The following MS4A14 variants were observed in gnomAD, a reference collection of about 807,000 sequenced individuals.
MS4A14 encodes membrane-spanning 4-domains subfamily A member 14.
Under a neutral mutation model 16.7 loss-of-function variants are expected in MS4A14, and 18 were observed. The observed-to-expected ratio is 1.08, with a 90% CI of 0.75 to 1.60. The LOEUF (loss-of-function observed/expected upper bound fraction) is 1.60, where lower values mean the gene tolerates loss of function less well. MS4A14 is among the 40% of genes most tolerant of loss of function. The probability of loss-of-function intolerance (pLI) is 0.00; values close to 1 mark genes in which losing one functional copy is unlikely to be tolerated. For missense variants in MS4A14, 812 were observed against 775.3 expected, an observed-to-expected ratio of 1.05 and a Z score of -0.56; for synonymous variants, 305 against 289.4, an observed-to-expected ratio of 1.05 and a Z score of -0.55.
chr11:60,396,837 C>T, intron 1 of MS4A14, 121 bp downstream of exon 1: 2 of 1,025,988 alleles, frequency 1.9e-6, no homozygotes, highest in Non-Finnish European at 2.8e-6. Flanking sequence ...TACTTTTCCC[C>T]CTTCACCTTA....
chr11:60,413,835 T>C (rs779164860), intron 4 of MS4A14, among the ~76,000 whole-genome samples: 3 of 152,090 alleles, frequency 2.0e-5, no homozygotes, highest in Non-Finnish European at 4.4e-5. Context: ...TTTCATTTGG[T>C]CTTTAGTCTT....
chr11:60,403,122 G>A (rs867928936), intron 4 of MS4A14, 61 bp downstream of exon 4: 3 of 1,520,250 alleles, frequency 2.0e-6, no homozygotes, highest in African/African-American at 2.7e-5. Context: ...TGTCCATGAT[G>A]TAATGATTCA....
chr11:60,412,278 C>T (rs1307029200), intron 4 of MS4A14, among the ~76,000 whole-genome samples: 1 of 150,830 alleles, frequency 6.6e-6, no homozygotes, highest in Non-Finnish European at 1.5e-5. Flanking sequence ...CCCTTCTCTT[C>T]AAGTTTTCAG....
chr11:60,407,523 G>A (rs893041433), intron 4 of MS4A14, among the ~76,000 whole-genome samples: 19 of 152,162 alleles, frequency 1.2e-4, no homozygotes, highest in Non-Finnish European at 2.5e-4. Context: ...CAAAGTGGCT[G>A]TATTGCTTTT....
intron 4 of MS4A14, chr11:60,405,908 T>C: frequency 6.5e-7 from 1 of 1,535,240 alleles, no homozygotes; most frequent in Non-Finnish European, 8.7e-7. Context: ...TTAATCTTAC[T>C]GATCATCAGC....
Position 60,417,278 on chromosome 11 carries a change from A to C in MS4A14, c.*270A>C. The stretch of plus-strand genomic sequence containing the variant: ...AGGGGACATGAAATGTATAGGGCAA[A>C]CCTCAGGGGACCTGCAATCAGAAGA... On this transcript the variant is annotated 3_prime_UTR_variant, in exon 5 of 5. Coordinates refer to ENST00000300187, the MANE Select transcript of MS4A14 (RefSeq NM_032597.5). 3.5e-6 allele frequency: 1 copy of C among 283,816 alleles called. No individual in the cohort carries two copies. The highest frequency in any genetic ancestry group is 6.6e-6 in the Non-Finnish European group (1 of 152,264). The allele number at this position is 283,816 out of a possible 1,614,324, so 17.6% of individuals were successfully genotyped here.
intron 4 of MS4A14, among the ~76,000 whole-genome samples, chr11:60,406,988 ATTTG>A (rs2085795866): frequency 7.1e-6 from 1 of 140,584 alleles, no homozygotes; most frequent in Non-Finnish European, 1.5e-5. Context: ...GTACACCACA[ATTTG>A]TTTATCAATT....
At chr11:60,407,577 A>C (rs1418453370) in intron 4 of MS4A14, among the ~76,000 whole-genome samples, 1 of 152,192 alleles carries the variant, frequency 6.6e-6, no homozygotes, top group East Asian at 1.9e-4. Context: ...GCTCCATATC[A>C]TTAACACTTG....
At chr11:60,410,384 A>G (rs2085850622) in intron 4 of MS4A14, among the ~76,000 whole-genome samples, 2 of 152,036 alleles carry the variant, frequency 1.3e-5, no homozygotes, top group Non-Finnish European at 2.9e-5. Context: ...ATTTGCAAAT[A>G]TTTTCTCCTA....
Position 60,396,838 on chromosome 11 carries a change from C to T in MS4A14, c.138+122C>T, listed in dbSNP as rs150536461. 9.8e-5 allele frequency: 99 copies of T among 1,005,838 alleles called. 1 individual carries two copies. In the African/African-American group the frequency reaches 1.4e-3, roughly 14 times the overall value. 62.3% of individuals were successfully genotyped at this position (1,005,838 alleles called of 1,614,324 possible). ...GAGGGAGTTAATTCTACTTTTCCCC[C>T]TTCACCTTACATGAGAAATTAGTAC... On this transcript the variant is annotated intron_variant, in intron 1 of 4. Coordinates refer to ENST00000300187, the MANE Select transcript of MS4A14 (RefSeq NM_032597.5).
intron 4 of MS4A14, among the ~76,000 whole-genome samples, chr11:60,406,566 C>T (rs146594803): frequency 1.3e-5 from 2 of 152,316 alleles, no homozygotes; most frequent in East Asian, 3.9e-4. Flanking sequence ...TACCACATAA[C>T]ATCAGGATTC....
Position 60,404,884 on chromosome 11 carries a change from T to C in MS4A14, c.468+1823T>C, listed in dbSNP as rs2085764615. Among the ~76,000 whole-genome samples, 2 of 152,182 alleles carry C rather than the reference T, an allele frequency of 1.3e-5. 1 individual carries two copies. The highest frequency in any genetic ancestry group is 4.1e-4 in the South Asian group (2 of 4,830). On this transcript the variant is annotated intron_variant, in intron 4 of 4. Coordinates refer to ENST00000300187, the MANE Select transcript of MS4A14 (RefSeq NM_032597.5). ...TTATTGTCTGCCTCCCTTACCATGA[T>C]GTAAGTTCTACAAAATCCAAGACCA...
intron 4 of MS4A14, among the ~76,000 whole-genome samples, chr11:60,412,572 G>C (rs2085883704): frequency 6.6e-6 from 1 of 151,826 alleles, no homozygotes; most frequent in East Asian, 1.9e-4. Flanking sequence ...TATAAGGTCA[G>C]TAATAATGTC....
At chr11:60,415,299 C>A in intron 4 of MS4A14, 138 bp from the exon 5 acceptor site, 2 of 804,756 alleles carry the variant, frequency 2.5e-6, no homozygotes, top group Non-Finnish European at 3.8e-6. Flanking sequence ...GCAGGACTGG[C>A]ATTCGTTTTC....
intron 3 of MS4A14, among the ~76,000 whole-genome samples, chr11:60,402,634 G>T (rs1426647199): frequency 1.3e-5 from 2 of 152,158 alleles, no homozygotes; most frequent in Non-Finnish European, 2.9e-5. Context: ...TCCAGATTAT[G>T]AAAGATGGTG....
At position 60,415,622 on chromosome 11, in the gene MS4A14, C is replaced by T; in HGVS notation, c.654C>T (p.Val218=). ...TAACACTCTCTAGGAGTCCTTTAGT[C>T]TCCCAACCAGGTAATAAAGGTAGAG... The part of the protein sequence containing the change: ...FKLTLSRSPL[V]SQPGNKGREF... Residue 218 remains valine, a synonymous_variant, in exon 5 of 5, where the codon GTC becomes GTT. Coordinates refer to ENST00000300187, the MANE Select transcript of MS4A14 (RefSeq NM_032597.5). 1 of 1,613,818 alleles carries T rather than the reference C, an allele frequency of 6.2e-7. No homozygotes were observed. The highest frequency in any genetic ancestry group is 8.5e-7 in the Non-Finnish European group (1 of 1,179,840).
chr11:60,407,818 C>G (rs917938164), intron 4 of MS4A14, among the ~76,000 whole-genome samples: 2 of 95,302 alleles, frequency 2.1e-5, no homozygotes, highest in East Asian at 2.4e-4. Flanking sequence ...AATACAAATC[C>G]TTTACAAATA....
At chr11:60,412,245 CAT>C (rs2085878659) in intron 4 of MS4A14, among the ~76,000 whole-genome samples, 2 of 150,950 alleles carry the variant, frequency 1.3e-5, no homozygotes, top group African/African-American at 4.8e-5. Flanking sequence ...ATGGTGGCCT[CAT>C]AGAATGAGTT....
intron 4 of MS4A14, among the ~76,000 whole-genome samples, chr11:60,413,367 T>C (rs2085894690): frequency 1.2e-5 from 1 of 82,860 alleles, no homozygotes; most frequent in Admixed American, 1.3e-4. Flanking sequence ...TTAAAATAAG[T>C]GATGAAAATA....
Sources: gnomAD v4.1 joint callset for allele counts (sites outside exome capture counted in the v4.1 genomes callset) on GRCh38, gnomAD v4.1.1 for gene constraint, MANE v1.5 for transcripts, NCBI Gene and HGNC (gene_info 2026-07-23, HGNC 2026-07-21) for gene names.